The following KIF13A variants were observed in gnomAD, a reference collection of about 807,000 sequenced individuals.
KIF13A encodes the protein kinesin-like protein KIF13A.
Under a neutral mutation model 212.2 loss-of-function variants are expected in KIF13A, and 79 were observed. The ratio of observed to expected loss-of-function variants is 0.37; its 90% CI spans 0.31 to 0.45. The LOEUF (loss-of-function observed/expected upper bound fraction) is 0.45, where lower values mean the gene tolerates loss of function less well. KIF13A is among the 20% of genes least tolerant of loss of function. The probability of loss-of-function intolerance (pLI) is 1.00; values close to 1 mark genes in which losing one functional copy is unlikely to be tolerated. For missense variants in KIF13A, 1,901 were observed against 2,209.0 expected (o/e 0.86, Z 2.79); for synonymous variants, 789 against 808.6 (o/e 0.98, Z 0.41).
rs750427547 is a variant in KIF13A at position 17,873,393 on chromosome 6, G to C, written c.204C>G (p.Asn68Lys). 6.3e-7 allele frequency: 1 copy of C among 1,596,608 alleles called. No individual in the cohort carries two copies. Among genetic ancestry groups the C allele is most frequent in the Non-Finnish European group, 8.5e-7 (1 of 1,170,776 alleles). ...AAAACTTACCAGCGTATTTTGTAGT[G>C]TTAGATTCATCCATGGACCAAAAGC... ...DYCFWSMDES[N>K]TTKYAGQEVV... is the part of the protein sequence containing the mutation. Residue 68 changes from asparagine to lysine, a missense_variant, in exon 4 of 39, where the codon AAC (asparagine) becomes AAG (lysine). By Grantham distance (94) the Asn-to-Lys change is moderately conservative (BLOSUM62 0). This residue lies in a region of KIF13A where 506 missense variants were observed against 637.4 expected (regional missense o/e 0.79). Transcript: ENST00000259711.
chr6:17,907,937 C>T (rs766187258), intron 2 of KIF13A, among the ~76,000 whole-genome samples: 1 of 152,084 alleles, frequency 6.6e-6, no homozygotes, highest in African/African-American at 2.4e-5. Context: ...GAGACTCAAG[C>T]GTGAATGTAA....
In KIF13A at chr6:17,849,494, T is replaced by A; in HGVS notation, c.718-5A>T. The A allele has an allele frequency of 6.2e-7, 1 of 1,608,678 alleles. No homozygotes were observed. Among genetic ancestry groups the A allele is most frequent in the Non-Finnish European group, 8.5e-7 (1 of 1,175,818 alleles). ...ACTGACTTTCTCCCCGGAATTCTAG[T>A]TATAGGAAACGAGAGAGAGAAGAAA... On this transcript the variant is annotated splice_region_variant and splice_polypyrimidine_tract_variant and intron_variant, in intron 8 of 38. Coordinates refer to ENST00000259711, the MANE Select transcript of KIF13A (RefSeq NM_022113.6). The surrounding 1 kb of genome is among the most constrained non-coding windows in gnomAD (Gnocchi z 5.7).
At chr6:17,765,992 T>G (rs1211841371) in intron 38 of KIF13A, among the ~76,000 whole-genome samples, 2 of 152,184 alleles carry the variant, frequency 1.3e-5, no homozygotes, top group Admixed American at 6.5e-5. Flanking sequence ...GAATTACAAC[T>G]TTGCGTCCTT....
Position 17,781,280 on chromosome 6 carries a change from T to C in KIF13A, c.3566A>G (p.Glu1189Gly). ...DLNADDLSAN[E>G]QLVGPHASGV... ...GGATGCATGGGGGCCAACAAGCTGCTCATTGGCACTGAGGTCATCCGCTAA... is the reference window on the plus strand; with the variant it reads ...GGATGCATGGGGGCCAACAAGCTGCCCATTGGCACTGAGGTCATCCGCTAA... Residue 1189 changes from glutamate to glycine, a missense_variant, in exon 30 of 39, where the codon GAG becomes GGG. This residue lies in a region of KIF13A where 687 missense variants were observed against 759.1 expected (regional missense o/e 0.90). Coordinates refer to ENST00000259711, the MANE Select transcript of KIF13A (RefSeq NM_022113.6). 1 of 1,612,036 alleles carries C rather than the reference T, an allele frequency of 6.2e-7. No homozygotes were observed. Among genetic ancestry groups the C allele is most frequent in the South Asian group, 1.1e-5 (1 of 90,764 alleles).
Position 17,892,687 on chromosome 6 carries a change from C to T in KIF13A, c.159+5481G>A, listed in dbSNP as rs2150473316. 6.6e-6 allele frequency among the ~76,000 whole-genome samples: 1 copy of T among 152,290 alleles called. No individual in the cohort carries two copies. The highest frequency in any genetic ancestry group is 2.4e-5 in the African/African-American group (1 of 41,572). ...GTTCAATGGATTCAATCAATTATGC[C>T]TATGTGATGGAGCCTCCATAAACAT... On this transcript the variant is annotated intron_variant, in intron 3 of 38. Coordinates refer to ENST00000259711, the MANE Select transcript of KIF13A (RefSeq NM_022113.6). This position sits in a 1 kb window ranked among gnomAD's most constrained non-coding sequence, Gnocchi z 4.7.
chr6:17,835,909 C>T (rs1765912702), intron 11 of KIF13A, among the ~76,000 whole-genome samples: 1 of 152,030 alleles, frequency 6.6e-6, no homozygotes, highest in Admixed American at 6.6e-5. Flanking sequence ...TAGTACTCTC[C>T]CAACTACAGT....
Position 17,771,745 on chromosome 6 carries a change from C to T in KIF13A, c.4476+163G>A, listed in dbSNP as rs1581863207. 2 of 612,704 alleles carry T rather than the reference C, an allele frequency of 3.3e-6. No homozygotes were observed. The highest frequency in any genetic ancestry group is 2.9e-6 in the Non-Finnish European group (1 of 345,150). The allele number at this position is 612,704 out of a possible 1,614,324, so 38.0% of individuals were successfully genotyped here. On this transcript the variant is annotated intron_variant, in intron 37 of 38. Coordinates refer to ENST00000259711, the MANE Select transcript of KIF13A (RefSeq NM_022113.6). This position sits in a 1 kb window ranked among gnomAD's most constrained non-coding sequence, Gnocchi z 5.4. ...AGCAACAACAAACAAGAGATTCTAC[C>T]ATGACTCTGCATGCTTGAGAAAGAG... is the stretch of plus-strand genomic sequence containing the variant.
chr6:17,813,193 CAT>C (rs1763584838), intron 17 of KIF13A, among the ~76,000 whole-genome samples: 1 of 152,120 alleles, frequency 6.6e-6, no homozygotes, highest in Admixed American at 6.6e-5. Context: ...TAAAAAGTAA[CAT>C]AACATCTGGT....
chr6:17,801,303 C>G (rs1316326981), intron 20 of KIF13A, among the ~76,000 whole-genome samples: 1 of 151,628 alleles, frequency 6.6e-6, no homozygotes, highest in East Asian at 2.0e-4. Flanking sequence ...AGCAGCCTGG[C>G]CAACATGATG....
chr6:17,810,568 G>C (rs1763347002), intron 17 of KIF13A, among the ~76,000 whole-genome samples: 1 of 152,146 alleles, frequency 6.6e-6, no homozygotes, highest in South Asian at 2.1e-4. Flanking sequence ...TGACTCAAGT[G>C]CATTACATTT....
intron 6 of KIF13A, among the ~76,000 whole-genome samples, chr6:17,854,545 A>ATTT (rs1562059246): frequency 1.7e-5 from 2 of 119,958 alleles, no homozygotes; most frequent in East Asian, 2.4e-4. Context: ...AAATCAGTAT[A>ATTT]ATTTTTTTTT....
rs1047609002 is a variant in KIF13A, at chr6:17,777,074, G to T, written c.4170+203C>A. Reference sequence around the variant, plus strand: ...TTCAAGGAGATAACTTGCTGAACAGGAATTCATAAGATTGAACAAATGGCT... The same window carrying T: ...TTCAAGGAGATAACTTGCTGAACAGTAATTCATAAGATTGAACAAATGGCT... On this transcript the variant is annotated intron_variant, in intron 34 of 38. Coordinates refer to ENST00000259711, the MANE Select transcript of KIF13A (RefSeq NM_022113.6). This position sits in a 1 kb window ranked among gnomAD's most constrained non-coding sequence, Gnocchi z 4.4. Among the ~76,000 whole-genome samples the T allele has an allele frequency of 6.6e-6, 1 of 152,118 alleles. No homozygotes were observed. The highest frequency in any genetic ancestry group is 1.9e-4 in the East Asian group (1 of 5,184).
intron 4 of KIF13A, among the ~76,000 whole-genome samples, chr6:17,867,588 C>T (rs999544569): frequency 3.9e-5 from 6 of 152,192 alleles, no homozygotes; most frequent in Admixed American, 3.3e-4. Flanking sequence ...TTATTGCCTA[C>T]AGCCACACAG....
At position 17,855,646 on chromosome 6, in the gene KIF13A, A is replaced by G; in HGVS notation, c.314-29T>C. On this transcript the variant is annotated intron_variant, in intron 5 of 38. Coordinates refer to ENST00000259711, the MANE Select transcript of KIF13A (RefSeq NM_022113.6). This position sits in a 1 kb window ranked among gnomAD's most constrained non-coding sequence, Gnocchi z 4.1. ...GAGAACAGCAAGGAAAAAGAAGAAC[A>G]GGTAGAGGAGGGAGCAAAATGCAAT... The G allele has an allele frequency of 2.6e-6, 4 of 1,551,546 alleles. No homozygotes were observed. The highest frequency in any genetic ancestry group is 3.5e-6 in the Non-Finnish European group (4 of 1,145,792).
At position 17,764,478 on chromosome 6, in the gene KIF13A, T is replaced by C. The variant is rs867394754; in HGVS notation, c.5050A>G (p.Ser1684Gly). 4.3e-6 allele frequency: 7 copies of C among 1,614,016 alleles called. No individual in the cohort carries two copies. Among genetic ancestry groups the C allele is most frequent in the Middle Eastern group, 1.6e-4 (1 of 6,062 alleles). ...GATTTGGAGTTTTTCTCAGGGATGC[T>C]CTGGGATGATGGGCTCCCTTTGGCT... ...ALAKGSPSSQ[S>G]IPEKNSKSLC... is the part of the protein sequence containing the mutation. Residue 1684 changes from serine (S) to glycine (G), a missense_variant, in exon 39 of 39, where the codon AGC (serine) becomes GGC (glycine). This residue lies in a region of KIF13A where 687 missense variants were observed against 759.1 expected (regional missense o/e 0.90). Coordinates refer to ENST00000259711, the MANE Select transcript of KIF13A (RefSeq NM_022113.6). This position sits in a 1 kb window ranked among gnomAD's most constrained non-coding sequence, Gnocchi z 5.1.
In KIF13A at chr6:17,912,875, T is replaced by C. The variant is rs1774195442; in HGVS notation, c.147-14695A>G. 1.3e-5 allele frequency among the ~76,000 whole-genome samples: 2 copies of C among 152,132 alleles called. No homozygotes were observed. Among genetic ancestry groups the C allele is most frequent in the South Asian group, 4.1e-4 (2 of 4,832 alleles). On this transcript the variant is annotated intron_variant, in intron 2 of 38. Coordinates refer to ENST00000259711, the MANE Select transcript of KIF13A (RefSeq NM_022113.6). This position sits in a 1 kb window ranked among gnomAD's most constrained non-coding sequence, Gnocchi z 4.2. The stretch of plus-strand genomic sequence containing the variant: ...GTAAAAGGAGAATTTGTTGAGAACA[T>C]ATTTCTATAATTTCTCCTTTTCAGA...
chr6:17,859,620 T>TTTTATATATATATATACATATA (rs1485260645), intron 4 of KIF13A, among the ~76,000 whole-genome samples: 1 of 131,558 alleles, frequency 7.6e-6, no homozygotes, highest in Admixed American at 7.5e-5. Flanking sequence ...GCAATGTATT[T>TTTTATATATATATATACATATA]TATATATATA....
At chr6:17,882,032 C>T (rs1244401231) in intron 3 of KIF13A, 4 of 456,780 alleles carry the variant, frequency 8.8e-6, no homozygotes, top group Non-Finnish European at 1.8e-5. Context: ...TTCTATGTTC[C>T]CTGCAGAACC....
chr6:17,950,640 A>C (rs1777766435), intron 2 of KIF13A: 1 of 985,286 alleles, frequency 1.0e-6, no homozygotes, highest in Non-Finnish European at 1.2e-6. Context: ...AGCAATAACT[A>C]TCTCTCAATC....
Sources: allele counts gnomAD v4.1 joint callset (sites outside exome capture counted in the v4.1 genomes callset), GRCh38; gene constraint gnomAD v4.1.1; regional missense constraint gnomAD v4.1.1; non-coding constraint Gnocchi (gnomAD v3.1); transcripts MANE v1.5; gene names NCBI Gene and HGNC (gene_info 2026-07-23, HGNC 2026-07-21).